The following SLC25A43 variants were observed in gnomAD, a reference collection of about 807,000 sequenced individuals.
SLC25A43 encodes the protein solute carrier family 25, member 43.
SLC25A43 carries 10 observed loss-of-function variants against 22.8 expected under a neutral mutation model. The observed-to-expected ratio is 0.44, with a 90% CI of 0.27 to 0.74. The LOEUF is 0.74. Among genes scored for constraint, SLC25A43 ranks in the 30% least tolerant of loss-of-function variants. The pLI is 0.17. For synonymous variants in SLC25A43, 106 were observed against 121.6 expected, an observed-to-expected ratio of 0.87 and a Z score of 0.84; for missense variants, 233 against 279.1, an observed-to-expected ratio of 0.83 and a Z score of 1.18.
chrX:119,399,600 G>A lies in SLC25A43; in HGVS notation c.197G>A (p.Arg66Gln). Residue 66 changes from arginine to glutamine, a missense_variant, in exon 1 of 5, where the codon CGG (arginine) becomes CAG (glutamine). Physicochemically the swap from Arg to Gln is conservative, Grantham distance 43. Transcript: ENST00000217909. ...GHRVWRAEGL[R>Q]ALWKGNAVAC... ...CGGGTGTGGCGGGCAGAGGGGCTCC[G>A]GGCCCTGTGGAAGGGGAACGCGGTG... The A allele has an allele frequency of 1.9e-6, 2 of 1,037,515 alleles. No homozygotes were observed. The highest frequency in any genetic ancestry group is 2.5e-6 in the Non-Finnish European group (2 of 813,889). 85.5% of individuals were successfully genotyped at this position (1,037,515 alleles called of 1,213,427 possible).
rs771279839 is a variant in SLC25A43 at position 119,451,341 on chromosome X, T to A, written c.691-668T>A. Among the ~76,000 whole-genome samples the A allele has an allele frequency of 2.2e-4, 25 of 111,404 alleles. 1 individual carries two copies. The highest frequency in any genetic ancestry group is 9.2e-3 in the Middle Eastern group (2 of 218). On this transcript the variant is annotated intron_variant, in intron 3 of 4. Transcript: ENST00000217909. ...GGCCAGAAACTGGTCATGGGCTGGG[T>A]CGTCTTTATAGATGCCAAAGTTACC... is the stretch of plus-strand genomic sequence containing the variant.
rs187522305 is a variant in SLC25A43, at chrX:119,420,800, T to C, written c.690+10438T>C. 4.5e-5 allele frequency among the ~76,000 whole-genome samples: 5 copies of C among 111,982 alleles called. No individual in the cohort carries two copies. The Admixed American group carries it at 4.7e-4, about 11-fold the overall frequency. On this transcript the variant is annotated intron_variant, in intron 3 of 4. Transcript: ENST00000217909. ...GTAGGGAAACCCAGATAACATACAC[T>C]CACCCTGTAAAGAATAAGCCTTCAG...
intron 3 of SLC25A43, among the ~76,000 whole-genome samples, chrX:119,416,505 C>T (rs1008008350): frequency 6.2e-5 from 7 of 112,648 alleles, no homozygotes; most frequent in African/African-American, 2.3e-4. Context: ...AGGCGTGAGC[C>T]ACCGTCCCCG....
intron 3 of SLC25A43, among the ~76,000 whole-genome samples, chrX:119,451,521 G>A (rs1426349246): frequency 2.7e-5 from 3 of 111,873 alleles, no homozygotes; most frequent in Non-Finnish European, 5.6e-5. Flanking sequence ...GAGAGTGAAG[G>A]AGGAAGGGTT....
chrX:119,444,847 C>T (rs1228225589), intron 3 of SLC25A43, among the ~76,000 whole-genome samples: 1 of 109,058 alleles, frequency 9.2e-6, no homozygotes, highest in Admixed American at 9.9e-5. Flanking sequence ...CCAGCCTGGC[C>T]AACATGGCAA....
chrX:119,452,808 C>T (rs2052716326), intron 4 of SLC25A43, 57 bp from the exon 5 acceptor site: 1 of 971,561 alleles, frequency 1.0e-6, no homozygotes, highest in Non-Finnish European at 1.5e-6. Flanking sequence ...TGACTGCAGA[C>T]ACATTGATGT....
At chrX:119,418,915 C>T (rs1280504949) in intron 3 of SLC25A43, among the ~76,000 whole-genome samples, 1 of 112,227 alleles carries the variant, frequency 8.9e-6, no homozygotes, top group African/African-American at 3.2e-5. Flanking sequence ...TGTCTATCTC[C>T]CACACCTAGC....
chrX:119,405,595 CAAAAAAAAAAAAAAA>C (rs56389948), intron 1 of SLC25A43, among the ~76,000 whole-genome samples: 7 of 51,157 alleles, frequency 1.4e-4, no homozygotes, highest in Non-Finnish European at 2.4e-4. Flanking sequence ...CCTATCTCTA[CAAAAAAAAAAAAAAA>C]AAAAAAAAAA....
chrX:119,445,038 C>CAAA (rs780253357), intron 3 of SLC25A43, among the ~76,000 whole-genome samples: 6 of 35,533 alleles, frequency 1.7e-4, no homozygotes, highest in Admixed American at 5.2e-4. Flanking sequence ...ACCCTGTCTC[C>CAAA]AAAAAAAAAA....
At chrX:119,426,911 C>T (rs2052511217) in intron 3 of SLC25A43, among the ~76,000 whole-genome samples, 1 of 110,870 alleles carries the variant, frequency 9.0e-6, no homozygotes, top group Non-Finnish European at 1.9e-5. Context: ...CTCAATAGAC[C>T]TTGGATATGT....
chrX:119,405,906 C>T (rs1469124979), intron 1 of SLC25A43, among the ~76,000 whole-genome samples: 1 of 111,589 alleles, frequency 9.0e-6, no homozygotes, highest in Non-Finnish European at 1.9e-5. Flanking sequence ...GTGGCGTGCG[C>T]CTGTTGTCCC....
intron 3 of SLC25A43, among the ~76,000 whole-genome samples, chrX:119,416,089 T>A (rs1467032320): frequency 9.1e-6 from 1 of 109,629 alleles, no homozygotes; most frequent in African/African-American, 3.3e-5. Context: ...AGTTTACCAA[T>A]TGTTTAAGCA....
At chrX:119,406,857 T>C (rs1415717915) in intron 2 of SLC25A43, among the ~76,000 whole-genome samples, 156 bp downstream of exon 2, 3 of 113,124 alleles carry the variant, frequency 2.7e-5, no homozygotes, top group Non-Finnish European at 5.6e-5. Context: ...TTCTATTCCA[T>C]AGCCATACAC....
chrX:119,416,799 A>G (rs773425021), intron 3 of SLC25A43, among the ~76,000 whole-genome samples: 1 of 112,439 alleles, frequency 8.9e-6, no homozygotes, highest in African/African-American at 3.2e-5. Context: ...ACATCATTCA[A>G]ACAGCAATTT....
At chrX:119,451,903 A>C (rs2052709717) in intron 3 of SLC25A43, 106 bp from the exon 4 acceptor site, 2 of 1,181,063 alleles carry the variant, frequency 1.7e-6, no homozygotes, top group Non-Finnish European at 2.3e-6. Context: ...CATCTTGGCC[A>C]GGAACCCAGC....
At chrX:119,452,293 C>A in intron 4 of SLC25A43, 150 bp downstream of exon 4, 1 of 645,755 alleles carries the variant, frequency 1.5e-6, no homozygotes, top group African/African-American at 2.2e-5. Context: ...CACTGTCTGT[C>A]AGCCCCGTAG....
chrX:119,435,087 C>T (rs2052589738), intron 3 of SLC25A43, among the ~76,000 whole-genome samples: 1 of 111,134 alleles, frequency 9.0e-6, no homozygotes, highest in South Asian at 3.8e-4. Context: ...TATCTGCCCA[C>T]CTCGGCCTCC....
Position 119,421,377 on chromosome X carries a change from T to TC in SLC25A43, c.690+11016dup, listed in dbSNP as rs201596461. 7.1e-5 allele frequency among the ~76,000 whole-genome samples: 8 copies of TC among 111,892 alleles called. No individual in the cohort carries two copies. The East Asian group carries it at 2.3e-3, about 32-fold the overall frequency. ...TTTTTATGTAAAATCTCCCAGTTTT[T>TC]CACTGCTGGCAAATGAAAATTGTTA... On this transcript the variant is annotated intron_variant, in intron 3 of 4. Transcript: ENST00000217909.
intron 1 of SLC25A43, among the ~76,000 whole-genome samples, chrX:119,405,298 GTTTAC>G (rs1361074000): frequency 9.0e-6 from 1 of 111,337 alleles, no homozygotes; most frequent in African/African-American, 3.3e-5. Flanking sequence ...ATCAGTGAGT[GTTTAC>G]TTGAAAGCAA....
Sources: allele counts gnomAD v4.1 joint callset (sites outside exome capture counted in the v4.1 genomes callset), GRCh38; gene constraint gnomAD v4.1.1; transcripts MANE v1.5; gene names NCBI Gene and HGNC (gene_info 2026-07-23, HGNC 2026-07-21).